SDK1: variants seen among roughly 807,000 people sequenced by gnomAD.
The protein encoded by SDK1 is sidekick cell adhesion molecule 1.
SDK1 carries 157 observed loss-of-function variants against 245.5 expected under a neutral mutation model. The ratio of observed to expected loss-of-function variants is 0.64; its 90% CI spans 0.56 to 0.73. SDK1 has a LOEUF of 0.73. SDK1 is among the 30% of genes least tolerant of loss of function. The pLI is 0.00. For missense variants in SDK1, 3,583 were observed against 3,002.3 expected, an observed-to-expected ratio of 1.19 and a Z score of -4.52; for synonymous variants, 1,647 against 1,278.5, an observed-to-expected ratio of 1.29 and a Z score of -6.15.
chr7:3,816,483 C>A (rs1779511076), intron 4 of SDK1, among the ~76,000 whole-genome samples: 1 of 150,476 alleles, frequency 6.6e-6, no homozygotes, highest in Non-Finnish European at 1.5e-5. Flanking sequence ...CGCAAATAAA[C>A]TAGAAAATCT....
At chr7:3,672,759 T>TATATATATATATATATA (rs1554307103) in intron 4 of SDK1, among the ~76,000 whole-genome samples, 1 of 50,744 alleles carries the variant, frequency 2.0e-5, no homozygotes, top group Non-Finnish European at 3.5e-5. Flanking sequence ...ATATATAATT[T>TATATATATATATATATA]TATATATATA....
chr7:3,718,311 G>C (rs754656410), intron 4 of SDK1, among the ~76,000 whole-genome samples: 1 of 151,942 alleles, frequency 6.6e-6, no homozygotes, highest in East Asian at 1.9e-4. Flanking sequence ...GACCAGCCTG[G>C]GTGACATGGT....
chr7:4,073,335 T>G (rs1780384316), intron 20 of SDK1, among the ~76,000 whole-genome samples: 1 of 152,250 alleles, frequency 6.6e-6, no homozygotes, highest in East Asian at 1.9e-4. Flanking sequence ...GTCTTGGGCC[T>G]GCACCATTTC....
rs1274537588 is a variant in SDK1 at position 3,456,875 on chromosome 7, G to A, written c.298+154991G>A. Reference sequence around the variant, plus strand: ...CCCCCTTAGTTAGGTTTAGCACTCAGGTTCTGGCCTGCTTTTGTGGGTGGT... The same window carrying A: ...CCCCCTTAGTTAGGTTTAGCACTCAAGTTCTGGCCTGCTTTTGTGGGTGGT... On this transcript the variant is annotated intron_variant, in intron 1 of 44. Coordinates refer to ENST00000404826, the MANE Select transcript of SDK1 (RefSeq NM_152744.4). Among the ~76,000 whole-genome samples the A allele has an allele frequency of 2.6e-5, 4 of 152,162 alleles. No homozygotes were observed. The East Asian group carries it at 7.7e-4, about 29-fold the overall frequency.
chr7:4,237,707 G>A lies in SDK1; in HGVS notation c.6053G>A (p.Ser2018Asn), dbSNP rs772482065. The A allele has an allele frequency of 6.2e-7, 1 of 1,614,072 alleles. No homozygotes were observed. Among genetic ancestry groups the A allele is most frequent in the Non-Finnish European group, 8.5e-7 (1 of 1,180,052 alleles). ...WWFLLVMALSSLIVILLVVFA... is the reference protein window; with the variant it reads ...WWFLLVMALSNLIVILLVVFA... ...TTCCTCCTGGTGATGGCTCTGTCCAGCCTGATCGTCATCCTGCTGGTGGTG... is the reference window on the plus strand; with the variant it reads ...TTCCTCCTGGTGATGGCTCTGTCCAACCTGATCGTCATCCTGCTGGTGGTG... Residue 2018 changes from serine to asparagine, a missense_variant, in exon 42 of 45, where the codon AGC (serine) becomes AAC (asparagine). Physicochemically the swap from Ser to Asn is conservative, Grantham distance 46 (BLOSUM62 1). Transcript: ENST00000404826.
intron 1 of SDK1, among the ~76,000 whole-genome samples, chr7:3,533,225 C>A (rs1783408570): frequency 6.6e-6 from 1 of 152,124 alleles, no homozygotes; most frequent in South Asian, 2.1e-4. Flanking sequence ...CCTGATAAGA[C>A]TCTGATTAGA....
intron 22 of SDK1, among the ~76,000 whole-genome samples, chr7:4,083,230 C>G (rs1781175831): frequency 6.6e-6 from 1 of 152,144 alleles, no homozygotes; most frequent in Non-Finnish European, 1.5e-5. Context: ...TCCTCACCCT[C>G]AAAGGTGTCC....
chr7:3,461,163 AGT>A (rs1483466806), intron 1 of SDK1, among the ~76,000 whole-genome samples: 3 of 152,174 alleles, frequency 2.0e-5, no homozygotes, highest in Non-Finnish European at 4.4e-5. Context: ...TTGAGTTAGA[AGT>A]GTGCAGACCC....
At chr7:4,167,987 G>T in intron 32 of SDK1, among the ~76,000 whole-genome samples, 1 of 152,212 alleles carries the variant, frequency 6.6e-6, no homozygotes, top group East Asian at 1.9e-4. Context: ...GAGCACCTCC[G>T]GAGTTGGAGA....
chr7:3,694,492 G>A (rs553618245), intron 4 of SDK1, among the ~76,000 whole-genome samples: 1 of 152,102 alleles, frequency 6.6e-6, no homozygotes, highest in Non-Finnish European at 1.5e-5. Context: ...ATTCCAGGTA[G>A]TGAAATTAGA....
chr7:3,411,131 C>CG (rs1453974763), intron 1 of SDK1, among the ~76,000 whole-genome samples: 1 of 151,998 alleles, frequency 6.6e-6, no homozygotes, highest in Admixed American at 6.6e-5. Flanking sequence ...TGAGCTCCTG[C>CG]GGAAGACCAA....
chr7:3,573,099 A>T (rs1780169792), intron 1 of SDK1, among the ~76,000 whole-genome samples: 1 of 152,052 alleles, frequency 6.6e-6, no homozygotes, highest in Admixed American at 6.5e-5. Context: ...GTTTGCTATG[A>T]AAATGTCTGG....
chr7:3,959,292 A>G (rs1437402380), intron 8 of SDK1, among the ~76,000 whole-genome samples: 1 of 152,178 alleles, frequency 6.6e-6, no homozygotes. Context: ...GGACTCCATC[A>G]TATCCTGTGG....
At chr7:3,931,927 A>G (rs572138093) in intron 5 of SDK1, among the ~76,000 whole-genome samples, 509 of 152,318 alleles carry the variant, frequency 3.3e-3, no homozygotes, top group African/African-American at 0.012. Context: ...TTTGCTATAC[A>G]GCTGTTATTC....
At chr7:3,460,226 A>G (rs1780790752) in intron 1 of SDK1, among the ~76,000 whole-genome samples, 1 of 152,192 alleles carries the variant, frequency 6.6e-6, no homozygotes, top group South Asian at 2.1e-4. Context: ...ACTGCAGTAC[A>G]TGTGGGTCAC....
chr7:3,696,325 C>T (rs952171903), intron 4 of SDK1, among the ~76,000 whole-genome samples: 5 of 152,060 alleles, frequency 3.3e-5, no homozygotes, highest in African/African-American at 1.2e-4. Context: ...TGCTTGTACA[C>T]ATTGCACCGT....
At chr7:3,918,100 C>A (rs1779448376) in intron 5 of SDK1, among the ~76,000 whole-genome samples, 1 of 152,180 alleles carries the variant, frequency 6.6e-6, no homozygotes, top group Non-Finnish European at 1.5e-5. Context: ...CTCAGTTCAG[C>A]CATCCCAGGG....
At chr7:3,818,917 G>A (rs1779577100) in intron 4 of SDK1, among the ~76,000 whole-genome samples, 1 of 152,214 alleles carries the variant, frequency 6.6e-6, no homozygotes, top group South Asian at 2.1e-4. Flanking sequence ...TGTGTTGCAT[G>A]GCTGGATTGC....
intron 5 of SDK1, among the ~76,000 whole-genome samples, chr7:3,823,531 C>T (rs1050020464): frequency 1.3e-5 from 2 of 152,136 alleles, no homozygotes; most frequent in African/African-American, 2.4e-5. Flanking sequence ...AATTTGCAAA[C>T]CGCTGTACTA....
Sources: allele counts gnomAD v4.1 joint callset (sites outside exome capture counted in the v4.1 genomes callset), GRCh38; gene constraint gnomAD v4.1.1; transcripts MANE v1.5; gene names NCBI Gene and HGNC (gene_info 2026-07-23, HGNC 2026-07-21).